The following ATP10A variants were observed in gnomAD, a reference collection of about 807,000 sequenced individuals.
ATP10A encodes the protein phospholipid-transporting ATPase VA.
Under a neutral mutation model 147.8 loss-of-function variants are expected in ATP10A, and 111 were observed. The observed-to-expected ratio is 0.75, with a 90% CI of 0.64 to 0.88. The LOEUF is 0.88. ATP10A is among the 40% of genes least tolerant of loss of function. ATP10A has a pLI of 0.00. For synonymous variants in ATP10A, 875 were observed against 841.6 expected, an observed-to-expected ratio of 1.04 and a Z score of -0.69; for missense variants, 1,927 against 1,959.0, an observed-to-expected ratio of 0.98 and a Z score of 0.31.
At chr15:25,684,836 G>A (rs775349926) in intron 16 of ATP10A, among the ~76,000 whole-genome samples, 10 of 152,166 alleles carry the variant, frequency 6.6e-5, no homozygotes, top group Non-Finnish European at 1.5e-4. Flanking sequence ...AAAGTGACTT[G>A]TGAAGATCAT....
At chr15:25,734,763 A>G (rs1887164214) in intron 3 of ATP10A, among the ~76,000 whole-genome samples, 4 of 152,164 alleles carry the variant, frequency 2.6e-5, no homozygotes, top group Admixed American at 2.6e-4. Flanking sequence ...AATAAGGGCA[A>G]TTCCAGTGGG....
chr15:25,750,704 T>TATGATG (rs56087263), intron 2 of ATP10A, among the ~76,000 whole-genome samples: 1 of 150,876 alleles, frequency 6.6e-6, no homozygotes, highest in African/African-American at 2.4e-5. Context: ...AACATATATA[T>TATGATG]ATGATGATGA....
chr15:25,806,351 C>T (rs1290931338), intron 1 of ATP10A, among the ~76,000 whole-genome samples: 2 of 146,530 alleles, frequency 1.4e-5, no homozygotes, highest in African/African-American at 5.0e-5. Flanking sequence ...CTTGCTCTGT[C>T]GCCCAGGCTG....
At chr15:25,760,754 G>A (rs1176225557) in intron 2 of ATP10A, among the ~76,000 whole-genome samples, 1 of 152,188 alleles carries the variant, frequency 6.6e-6, no homozygotes, top group Non-Finnish European at 1.5e-5. Flanking sequence ...ACTGAGGCAG[G>A]AGGATGGCTT....
chr15:25,797,479 C>T (rs929585369), intron 1 of ATP10A, among the ~76,000 whole-genome samples: 1 of 152,172 alleles, frequency 6.6e-6, no homozygotes, highest in Non-Finnish European at 1.5e-5. Flanking sequence ...TCTGTGCTCC[C>T]TTGAACTCAA....
chr15:25,842,350 G>A (rs770482157), intron 1 of ATP10A, among the ~76,000 whole-genome samples: 1 of 152,218 alleles, frequency 6.6e-6, no homozygotes, highest in Non-Finnish European at 1.5e-5. Flanking sequence ...GTCTCATGGT[G>A]TTGCTACCCC....
intron 3 of ATP10A, among the ~76,000 whole-genome samples, chr15:25,730,341 A>T (rs57500032): frequency 6.7e-6 from 1 of 149,206 alleles, no homozygotes; most frequent in Non-Finnish European, 1.5e-5. Flanking sequence ...AGAAAGAAAG[A>T]AAGGAAGGAA....
chr15:25,741,592 T>C (rs1026622861), intron 2 of ATP10A, among the ~76,000 whole-genome samples: 2 of 152,218 alleles, frequency 1.3e-5, no homozygotes, highest in Non-Finnish European at 2.9e-5. Context: ...GTACTTTCTT[T>C]ATTATTACTA....
chr15:25,835,577 G>A (rs907470262), intron 1 of ATP10A, among the ~76,000 whole-genome samples: 10 of 152,038 alleles, frequency 6.6e-5, no homozygotes, highest in South Asian at 2.1e-4. Context: ...CAACAAGGCC[G>A]GCCATAGGAA....
At chr15:25,788,406 T>C (rs1279933078) in intron 1 of ATP10A, among the ~76,000 whole-genome samples, 4 of 152,080 alleles carry the variant, frequency 2.6e-5, no homozygotes, top group Non-Finnish European at 5.9e-5. Context: ...CGCTACAGTC[T>C]CCCCCAGCAG....
Position 25,736,211 on chromosome 15 carries a change from T to C in ATP10A, c.655-70A>G. 2.3e-6 allele frequency: 3 copies of C among 1,310,132 alleles called. No individual in the cohort carries two copies. The South Asian group carries it at 3.6e-5, about 16-fold the overall frequency. The allele number at this position is 1,310,132 out of a possible 1,614,324, so 81.2% of individuals were successfully genotyped here. A position where few individuals can be genotyped will look rare whatever the true frequency, so the allele number is the denominator to read the frequency against. ...TGCGCCGTTCTAAAAGGCACTCGCT[T>C]TTCTGTCTCGCATCCGCGGCAGGCA... On this transcript the variant is annotated intron_variant, in intron 2 of 20. Transcript: ENST00000555815.
chr15:25,701,539 A>G (rs1214085506), intron 13 of ATP10A, among the ~76,000 whole-genome samples: 2 of 152,324 alleles, frequency 1.3e-5, no homozygotes, highest in Admixed American at 6.5e-5. Context: ...TAAACAGACA[A>G]ATCCAACTGG....
At chr15:25,783,016 T>TA (rs1018986384) in intron 1 of ATP10A, among the ~76,000 whole-genome samples, 9 of 149,078 alleles carry the variant, frequency 6.0e-5, no homozygotes, top group Middle Eastern at 7.0e-3. Flanking sequence ...AAAAAAAAAT[T>TA]AAAAAAAAAA....
intron 2 of ATP10A, among the ~76,000 whole-genome samples, chr15:25,780,635 T>A (rs1210129384): frequency 1.3e-5 from 2 of 152,206 alleles, no homozygotes; most frequent in Non-Finnish European, 2.9e-5. Flanking sequence ...GGAGAAAATG[T>A]TCCTGAGCAT....
At chr15:25,683,598 T>C (rs892510132) in intron 16 of ATP10A, 112 bp from the exon 17 acceptor site, 4 of 1,051,406 alleles carry the variant, frequency 3.8e-6, no homozygotes, top group African/African-American at 1.6e-5. Context: ...ATTAAATGTA[T>C]TGGCAGCGAT....
rs78816110 is a variant in ATP10A at position 25,845,372 on chromosome 15, T to C, written c.449+17276A>G. The stretch of plus-strand genomic sequence containing the variant: ...TGTGTGTGTCAGGCCACCTGGGTGA[T>C]GGCCGAAGTTAACTGTGATAAGGCC... On this transcript the variant is annotated intron_variant, in intron 1 of 20. Coordinates refer to ENST00000555815, the MANE Select transcript of ATP10A (RefSeq NM_024490.4). Among the ~76,000 whole-genome samples the C allele has an allele frequency of 0.013, 1,981 of 151,578 alleles. 134 individuals carry two copies. In the East Asian group the frequency reaches 0.18, roughly 14 times the overall value.
chr15:25,708,099 G>A lies in ATP10A; in HGVS notation c.2452C>T (p.Leu818=). ...CAGCAGGCATACTCTTCTTTACTCA[G>A]AACCTATGGGAGATACATTGTTGAG... ...LRTLCIAKRV[L]SKEEYACWLQ... Residue 818 remains leucine, a synonymous_variant, in exon 12 of 21, where the codon CTG becomes TTG. Transcript: ENST00000555815. The A allele has an allele frequency of 1.9e-6, 3 of 1,613,820 alleles. No individual in the cohort carries two copies. The highest frequency in any genetic ancestry group is 2.5e-6 in the Non-Finnish European group (3 of 1,179,762).
At position 25,691,636 on chromosome 15, in the gene ATP10A, C is replaced by T. The variant is rs192409594; in HGVS notation, c.3165+79G>A. The T allele has an allele frequency of 1.7e-4, 248 of 1,445,974 alleles. No homozygotes were observed. The East Asian group carries it at 3.7e-3, about 22-fold the overall frequency. The allele number at this position is 1,445,974 out of a possible 1,614,324, so 89.6% of individuals were successfully genotyped here. On this transcript the variant is annotated intron_variant, in intron 15 of 20. Transcript: ENST00000555815. ...TCGTTCAGTAGAGCCCAGAGGAAGT[C>T]GGGGACAGCCCACAGGGTGACAGGA...
Position 25,714,052 on chromosome 15 carries a change from C to T in ATP10A, c.1966G>A (p.Glu656Lys), listed in dbSNP as rs746327758. The T allele has an allele frequency of 6.2e-7, 1 of 1,612,410 alleles. No individual in the cohort carries two copies. Residue 656 changes from glutamate (E) to lysine (K), a missense_variant, in exon 10 of 21, where the codon GAG (glutamate) becomes AAG (lysine). By Grantham distance (56) the Glu-to-Lys change is moderately conservative. Coordinates refer to ENST00000555815, the MANE Select transcript of ATP10A (RefSeq NM_024490.4). ...GCCGAGGTGGGCTGGCCCAGCCTCT[C>T]CTCCAGCCTGAGAAGCATGCCGTCG... ...SSDGMLLRLE[E>K]RLGQPTSAIA...
Sources: gnomAD v4.1 joint callset for allele counts (sites outside exome capture counted in the v4.1 genomes callset) on GRCh38, gnomAD v4.1.1 for gene constraint, MANE v1.5 for transcripts, NCBI Gene and HGNC (gene_info 2026-07-23, HGNC 2026-07-21) for gene names.